PHF21A: variants seen among roughly 807,000 people sequenced by gnomAD.
PHF21A encodes the protein PHD finger protein 21A.
Under a neutral mutation model 82.5 loss-of-function variants are expected in PHF21A, and 11 were observed. The observed-to-expected ratio is 0.13, with a 90% CI of 0.08 to 0.22. The LOEUF (loss-of-function observed/expected upper bound fraction) is 0.22. Among genes scored for constraint, PHF21A ranks in the 10% least tolerant of loss-of-function variants. The pLI is 1.00. For missense variants in PHF21A, 579 were observed against 837.8 expected (o/e 0.69, Z 3.81); for synonymous variants, 297 against 302.8 (o/e 0.98, Z 0.20).
chr11:45,930,166 G>A lies in PHF21A; in HGVS notation c.*3802C>T, dbSNP rs1374750580. ...CTGAAGAGTGTGTGTGAGCTGGGAG[G>A]TGACAGCCCAAGGGAGGCTCTGATG... On this transcript the variant is annotated 3_prime_UTR_variant, in exon 19 of 19. Transcript: ENST00000676320. 2 of 152,052 alleles carry A rather than the reference G, an allele frequency of 1.3e-5. No individual in the cohort carries two copies. Among genetic ancestry groups the A allele is most frequent in the African/African-American group, 4.8e-5 (2 of 41,388 alleles). The allele number at this position is 152,052 out of a possible 1,614,324, so 9.4% of individuals were successfully genotyped here.
intron 10 of PHF21A, among the ~76,000 whole-genome samples, chr11:45,958,131 C>T (rs1344474615): frequency 1.3e-5 from 2 of 151,216 alleles, no homozygotes; most frequent in South Asian, 2.1e-4. Context: ...AAATTCTCCC[C>T]GAAAAGAAAA....
Position 46,121,226 on chromosome 11 carries a change from C to A in PHF21A, c.-528G>T, listed in dbSNP as rs1281732812. 5 of 150,154 alleles carry A rather than the reference C, an allele frequency of 3.3e-5. No individual in the cohort carries two copies. The highest frequency in any genetic ancestry group is 5.9e-5 in the Non-Finnish European group (4 of 67,894). 9.3% of individuals were successfully genotyped at this position (150,154 alleles called of 1,614,324 possible). On this transcript the variant is annotated 5_prime_UTR_variant, in exon 1 of 19. Coordinates refer to ENST00000676320, the MANE Select transcript of PHF21A (RefSeq NM_001352027.3). ...TCTGGGCTGTTTCTTTCCTCCTCTT[C>A]CCCAGGCAAGGGGGGGTGGGGAGGA...
intron 3 of PHF21A, among the ~76,000 whole-genome samples, 152 bp from the exon 4 acceptor site, chr11:46,084,454 C>A (rs920838481): frequency 2.0e-5 from 3 of 152,064 alleles, no homozygotes; most frequent in African/African-American, 7.2e-5. Flanking sequence ...AACAATTCTT[C>A]AAGTATTCCT....
At position 45,949,433 on chromosome 11, in the gene PHF21A, G is replaced by A. The variant is rs776710720; in HGVS notation, c.1196C>T (p.Pro399Leu). ...CTCAAAGACTGCTCCACTGTAGACC[G>A]GATTTGCTGTTGTTCTTCTTTTTCG... ...QERKRRTTAN[P>L]VYSGAVFEPE... Residue 399 changes from proline to leucine, a missense_variant, in exon 13 of 19, where the codon CCG (proline) becomes CTG (leucine). Pro to Leu is a moderately conservative substitution (Grantham distance 98, BLOSUM62 -3). Coordinates refer to ENST00000676320, the MANE Select transcript of PHF21A (RefSeq NM_001352027.3). 14 of 1,614,168 alleles carry A rather than the reference G, an allele frequency of 8.7e-6. No homozygotes were observed. The highest frequency in any genetic ancestry group is 1.1e-5 in the South Asian group (1 of 91,078).
intron 7 of PHF21A, among the ~76,000 whole-genome samples, chr11:45,976,334 T>C (rs912204916): frequency 1.3e-5 from 2 of 152,190 alleles, no homozygotes; most frequent in African/African-American, 2.4e-5. Flanking sequence ...AAAATTTCTC[T>C]ACATCTTAAA....
chr11:45,948,840 A>C, intron 14 of PHF21A, 46 bp downstream of exon 14: 1 of 1,430,412 alleles, frequency 7.0e-7, no homozygotes. Flanking sequence ...CACACACACA[A>C]AGCAAAAGCA....
chr11:46,002,650 C>T (rs1317690587), intron 6 of PHF21A, among the ~76,000 whole-genome samples: 2 of 150,248 alleles, frequency 1.3e-5, no homozygotes, highest in East Asian at 3.9e-4. Flanking sequence ...ATGTCATATA[C>T]ACCTTTAAGG....
intron 15 of PHF21A, among the ~76,000 whole-genome samples, chr11:45,942,585 A>T (rs1160726769): frequency 1.3e-5 from 2 of 152,240 alleles, no homozygotes; most frequent in Non-Finnish European, 2.9e-5. Flanking sequence ...GCCAAAAGTC[A>T]GGAAAGCGAG....
intron 15 of PHF21A, among the ~76,000 whole-genome samples, 158 bp downstream of exon 15, chr11:45,945,682 G>A (rs962848757): frequency 1.3e-5 from 2 of 152,216 alleles, no homozygotes; most frequent in Non-Finnish European, 2.9e-5. Context: ...AAACTCAGAA[G>A]AAAGCTGCCT....
intron 10 of PHF21A, among the ~76,000 whole-genome samples, chr11:45,962,307 A>T (rs192750358): frequency 6.1e-5 from 2 of 32,828 alleles, no homozygotes; most frequent in Non-Finnish European, 1.7e-4. Context: ...CGGGTTTGGT[A>T]ACTGTGAACA....
chr11:45,935,354 G>T, intron 18 of PHF21A: 1 of 855,860 alleles, frequency 1.2e-6, no homozygotes, highest in Non-Finnish European at 1.8e-6. Context: ...TGGCTACACT[G>T]TTGTAGCTGT....
intron 6 of PHF21A, among the ~76,000 whole-genome samples, chr11:46,037,640 C>CAAAA (rs1000939610): frequency 3.4e-5 from 2 of 59,040 alleles, no homozygotes; most frequent in Non-Finnish European, 8.0e-5. Context: ...AACGTCATCT[C>CAAAA]AAAAAAAAAA....
intron 6 of PHF21A, among the ~76,000 whole-genome samples, chr11:45,985,455 G>T (rs2094459148): frequency 6.6e-6 from 1 of 152,150 alleles, no homozygotes. Flanking sequence ...ACACACAGAA[G>T]AGAAACTCAA....
intron 6 of PHF21A, among the ~76,000 whole-genome samples, chr11:45,987,248 A>ATG (rs1246309407): frequency 1.2e-3 from 161 of 131,818 alleles, no homozygotes; most frequent in African/African-American, 4.0e-3. Flanking sequence ...TGTATCATAA[A>ATG]TAAATGTATG....
chr11:45,971,022 A>G, intron 8 of PHF21A, 94 bp downstream of exon 8: 1 of 1,407,020 alleles, frequency 7.1e-7, no homozygotes, highest in Non-Finnish European at 9.6e-7. Context: ...ATGGAAACTG[A>G]GAAATCCAGC....
At chr11:46,088,278 C>T (rs973393895) in intron 3 of PHF21A, among the ~76,000 whole-genome samples, 8 of 152,326 alleles carry the variant, frequency 5.3e-5, no homozygotes, top group African/African-American at 1.9e-4. Context: ...ATGAGTGACT[C>T]TCACCATCCA....
In PHF21A at chr11:45,937,889, C is replaced by T. The variant is rs1038061569; in HGVS notation, c.1608+268G>A. The stretch of plus-strand genomic sequence containing the variant: ...TGGACCATTCCTAGAGAATGAGGCA[C>T]ACTGGACTTTAAAGGGTCTTGACTT... On this transcript the variant is annotated intron_variant, in intron 16 of 18. Coordinates refer to ENST00000676320, the MANE Select transcript of PHF21A (RefSeq NM_001352027.3). Among the ~76,000 whole-genome samples the T allele has an allele frequency of 2.6e-5, 4 of 152,324 alleles. No homozygotes were observed. In the East Asian group the frequency reaches 7.7e-4, roughly 29 times the overall value.
At chr11:46,114,598 T>C (rs534682051) in intron 1 of PHF21A, among the ~76,000 whole-genome samples, 1 of 152,330 alleles carries the variant, frequency 6.6e-6, no homozygotes, top group South Asian at 2.1e-4. Context: ...GAGATAGCAG[T>C]TGCCATGGTT....
chr11:46,084,383 A>G, intron 3 of PHF21A, 81 bp from the exon 4 acceptor site: 1 of 507,360 alleles, frequency 2.0e-6, no homozygotes, highest in Non-Finnish European at 3.3e-6. Flanking sequence ...TGTTAGTAAA[A>G]GAATATCTGA....
Sources: gnomAD v4.1 joint callset for allele counts (sites outside exome capture counted in the v4.1 genomes callset) on GRCh38, gnomAD v4.1.1 for gene constraint, MANE v1.5 for transcripts, NCBI Gene and HGNC (gene_info 2026-07-23, HGNC 2026-07-21) for gene names.